TAB2: variants seen among roughly 807,000 people sequenced by gnomAD.
The protein encoded by TAB2 is TGF-beta-activated kinase 1 and MAP3K7-binding protein 2.
Under a neutral mutation model 65.0 loss-of-function variants are expected in TAB2, and 3 were observed. The ratio of observed to expected loss-of-function variants is 0.05; its 90% CI spans 0.02 to 0.12. TAB2 has a LOEUF of 0.12. Among genes scored for constraint, TAB2 ranks in the 10% least tolerant of loss-of-function variants. The pLI is 1.00. For synonymous variants in TAB2, 298 were observed against 285.1 expected, an observed-to-expected ratio of 1.05 and a Z score of -0.46; for missense variants, 623 against 840.3, an observed-to-expected ratio of 0.74 and a Z score of 3.20.
intron 1 of TAB2, among the ~76,000 whole-genome samples, chr6:149,360,182 A>C (rs534270056): frequency 3.7e-4 from 56 of 152,312 alleles, no homozygotes; most frequent in Middle Eastern, 6.8e-3. Flanking sequence ...AGAAAATGAT[A>C]GCCTTTTTTT....
intron 1 of TAB2, among the ~76,000 whole-genome samples, chr6:149,219,091 T>C (rs1777084961): frequency 6.6e-6 from 1 of 152,192 alleles, no homozygotes; most frequent in African/African-American, 2.4e-5. Flanking sequence ...ATTACAATAG[T>C]CTCTGGGGAT....
chr6:149,251,129 G>C (rs911793534), intron 1 of TAB2, among the ~76,000 whole-genome samples: 5 of 152,084 alleles, frequency 3.3e-5, no homozygotes, highest in Admixed American at 1.3e-4. Flanking sequence ...CCTTTTGCCG[G>C]GTGCCTCCTG....
intron 1 of TAB2, among the ~76,000 whole-genome samples, chr6:149,346,231 ACTC>A (rs2114791592): frequency 6.6e-6 from 1 of 151,952 alleles, no homozygotes; most frequent in East Asian, 1.9e-4. Context: ...AACTTATCAT[ACTC>A]CTAGTGCTAT....
At chr6:149,302,927 C>T (rs1778994671) in intron 1 of TAB2, among the ~76,000 whole-genome samples, 1 of 152,254 alleles carries the variant, frequency 6.6e-6, no homozygotes, top group Non-Finnish European at 1.5e-5. Context: ...AGCCATTCTC[C>T]ATTGCTCCTA....
upstream of TAB2, among the ~76,000 whole-genome samples, chr6:149,314,329 C>T (rs1020430728): frequency 1.3e-5 from 2 of 152,196 alleles, no homozygotes; most frequent in Non-Finnish European, 2.9e-5. Context: ...CCTTTATAAA[C>T]TTCCTAATGC....
At chr6:149,251,223 G>T (rs1204144429) in intron 1 of TAB2, among the ~76,000 whole-genome samples, 3 of 152,164 alleles carry the variant, frequency 2.0e-5, no homozygotes, top group Non-Finnish European at 4.4e-5. Context: ...CCAGAAATAT[G>T]TTGAGCTAAC....
At chr6:149,372,976 C>T (rs1296914625) in intron 2 of TAB2, among the ~76,000 whole-genome samples, 1 of 152,130 alleles carries the variant, frequency 6.6e-6, no homozygotes, top group Non-Finnish European at 1.5e-5. Flanking sequence ...AGGATCATGC[C>T]ATGCTACCAA....
At chr6:149,381,022 G>T (rs1781588050) in intron 3 of TAB2, among the ~76,000 whole-genome samples, 1 of 152,160 alleles carries the variant, frequency 6.6e-6, no homozygotes, top group Admixed American at 6.5e-5. Context: ...TGGGAGGACT[G>T]CTTGAGCCCA....
intron 1 of TAB2, among the ~76,000 whole-genome samples, chr6:149,366,877 G>T (rs939165744): frequency 6.6e-6 from 1 of 151,814 alleles, no homozygotes; most frequent in Admixed American, 6.6e-5. Context: ...GTTGAAATTT[G>T]TTTTCATGGT....
At chr6:149,299,907 T>C (rs934655428) in intron 1 of TAB2, among the ~76,000 whole-genome samples, 1 of 151,882 alleles carries the variant, frequency 6.6e-6, no homozygotes, top group Non-Finnish European at 1.5e-5. Flanking sequence ...ACTCTGGAGG[T>C]TGAAGCAGGA....
At chr6:149,301,071 A>G (rs1426373480) in intron 1 of TAB2, among the ~76,000 whole-genome samples, 1 of 152,244 alleles carries the variant, frequency 6.6e-6, no homozygotes, top group Non-Finnish European at 1.5e-5. Flanking sequence ...TGGAATTATC[A>G]TGAACTAGGC....
At chr6:149,236,452 C>G (rs1162127487) in intron 1 of TAB2, among the ~76,000 whole-genome samples, 1 of 152,204 alleles carries the variant, frequency 6.6e-6, no homozygotes, top group Non-Finnish European at 1.5e-5. Context: ...CACAAAGATT[C>G]TAATGCCCTT....
chr6:149,367,773 G>A (rs1350593073), intron 1 of TAB2, among the ~76,000 whole-genome samples: 1 of 152,058 alleles, frequency 6.6e-6, no homozygotes, highest in East Asian at 1.9e-4. Context: ...AAGTCTTGAT[G>A]GTAGATTAGA....
At position 149,411,303 on chromosome 6, in the gene TAB2, C is replaced by T. The variant is rs1782853688; in HGVS notation, c.*1584C>T. The T allele has an allele frequency of 6.6e-6, 1 of 152,392 alleles. No homozygotes were observed. The highest frequency in any genetic ancestry group is 1.5e-5 in the Non-Finnish European group (1 of 68,018). The allele number at this position is 152,392 out of a possible 1,614,324, so 9.4% of individuals were successfully genotyped here. On this transcript the variant is annotated 3_prime_UTR_variant, in exon 7 of 7. Coordinates refer to ENST00000637181, the MANE Select transcript of TAB2 (RefSeq NM_001292034.3). ...TTTAAATGGGATTATTACAGTTGAT[C>T]TCTATGAATGTCAGAGCCCTAACTT...
chr6:149,287,302 A>C (rs1288996791), intron 1 of TAB2, among the ~76,000 whole-genome samples: 8 of 152,218 alleles, frequency 5.3e-5, no homozygotes, highest in Admixed American at 5.2e-4. Context: ...TATTACTTTT[A>C]TAATAGAGAA....
intron 1 of TAB2, among the ~76,000 whole-genome samples, chr6:149,301,562 G>A (rs1778973632): frequency 6.6e-6 from 1 of 152,186 alleles, no homozygotes; most frequent in African/African-American, 2.4e-5. Flanking sequence ...GGAGAAATAT[G>A]AACCCATCCT....
chr6:149,262,000 A>G (rs369593353), intron 1 of TAB2, among the ~76,000 whole-genome samples: 16 of 152,372 alleles, frequency 1.1e-4, no homozygotes, highest in Admixed American at 3.3e-4. Context: ...GTGATCTTGA[A>G]TAGCAGTTCA....
At chr6:149,225,665 A>T (rs1777253061) in intron 1 of TAB2, among the ~76,000 whole-genome samples, 1 of 152,108 alleles carries the variant, frequency 6.6e-6, no homozygotes, top group Non-Finnish European at 1.5e-5. Flanking sequence ...AGCCAATGAT[A>T]GGGGACACAA....
rs202220494 is a variant in TAB2 at position 149,400,669 on chromosome 6, G to T, written c.1939+1485G>T. On this transcript the variant is annotated intron_variant, in intron 6 of 6. Transcript: ENST00000637181. Reference sequence around the variant, plus strand: ...GATGTGTTTCAACAGCCTACGGGAGGTGTCTACTGAAAAGGGAACCTGCTT... The same window carrying T: ...GATGTGTTTCAACAGCCTACGGGAGTTGTCTACTGAAAAGGGAACCTGCTT... The T allele has an allele frequency of 4.3e-6, 7 of 1,613,902 alleles. No individual in the cohort carries two copies. The East Asian group carries it at 1.1e-4, about 26-fold the overall frequency.
Sources: gnomAD v4.1 joint callset for allele counts (sites outside exome capture counted in the v4.1 genomes callset) on GRCh38, gnomAD v4.1.1 for gene constraint, MANE v1.5 for transcripts, NCBI Gene and HGNC (gene_info 2026-07-23, HGNC 2026-07-21) for gene names.